HS3ST5: variants seen among roughly 807,000 people sequenced by gnomAD.
The protein encoded by HS3ST5 is heparan sulfate-glucosamine 3-sulfotransferase 5.
A neutral mutation model predicts 25.4 loss-of-function variants in HS3ST5; 10 were observed. The ratio of observed to expected loss-of-function variants is 0.39; its 90% confidence interval spans 0.24 to 0.67. The LOEUF is 0.67. Among genes scored for constraint, HS3ST5 ranks in the 30% least tolerant of loss-of-function variants. The pLI is 0.44. For synonymous variants in HS3ST5, 170 were observed against 162.4 expected, an observed-to-expected ratio of 1.05 and a Z score of -0.36; for missense variants, 324 against 420.7, an observed-to-expected ratio of 0.77 and a Z score of 2.01.
chr6:114,140,910 A>T (rs1377623672), intron 3 of HS3ST5, among the ~76,000 whole-genome samples: 1 of 152,130 alleles, frequency 6.6e-6, no homozygotes, highest in East Asian at 1.9e-4. Flanking sequence ...CAGTTTCCTC[A>T]TCTGTAAATT....
chr6:114,225,934 A>T (rs10155707), intron 2 of HS3ST5, among the ~76,000 whole-genome samples: 100 of 152,050 alleles, frequency 6.6e-4, no homozygotes, highest in African/African-American at 2.4e-3. Context: ...TTATCTTCAA[A>T]TATACCACCC....
intron 2 of HS3ST5, among the ~76,000 whole-genome samples, chr6:114,192,017 T>C (rs1315486739): frequency 6.6e-6 from 1 of 152,162 alleles, no homozygotes; most frequent in Non-Finnish European, 1.5e-5. Context: ...AGTTATCTGT[T>C]CTTCAAGAGA....
At chr6:114,155,702 T>G (rs1308230580) in intron 3 of HS3ST5, among the ~76,000 whole-genome samples, 2 of 152,224 alleles carry the variant, frequency 1.3e-5, no homozygotes, top group East Asian at 3.8e-4. Context: ...TAATGTATAT[T>G]TTTTAATGGA....
intron 1 of HS3ST5, among the ~76,000 whole-genome samples, chr6:114,289,839 C>G (rs1774494853): frequency 1.3e-5 from 2 of 152,090 alleles, no homozygotes; most frequent in African/African-American, 4.8e-5. Flanking sequence ...AACTATCTTC[C>G]TATGGGCTTT....
intron 1 of HS3ST5, among the ~76,000 whole-genome samples, chr6:114,306,679 A>G (rs2114828407): frequency 6.6e-6 from 1 of 152,250 alleles, no homozygotes; most frequent in East Asian, 1.9e-4. Flanking sequence ...GGTTGCTATA[A>G]AAATAGCTAT....
chr6:114,204,012 G>A (rs1332480852), intron 2 of HS3ST5, among the ~76,000 whole-genome samples: 2 of 152,158 alleles, frequency 1.3e-5, no homozygotes, highest in African/African-American at 2.4e-5. Context: ...AACAGGGTTC[G>A]GAAGCGTGTA....
At chr6:114,086,481 G>C (rs1261564568) in intron 3 of HS3ST5, among the ~76,000 whole-genome samples, 1 of 152,166 alleles carries the variant, frequency 6.6e-6, no homozygotes, top group African/African-American at 2.4e-5. Context: ...CCAACCACAA[G>C]AATGAACTTG....
intron 1 of HS3ST5, among the ~76,000 whole-genome samples, chr6:114,324,310 C>A (rs1776086484): frequency 6.6e-6 from 1 of 152,270 alleles, no homozygotes; most frequent in East Asian, 1.9e-4. Context: ...AAACTGTCAT[C>A]TCTAACTTGG....
chr6:114,160,472 C>T (rs1778894328), intron 3 of HS3ST5, among the ~76,000 whole-genome samples: 1 of 152,042 alleles, frequency 6.6e-6, no homozygotes. Flanking sequence ...TCCCCCTCCC[C>T]CAACTACATT....
chr6:114,225,556 G>A (rs1370148003), intron 2 of HS3ST5, among the ~76,000 whole-genome samples: 2 of 151,842 alleles, frequency 1.3e-5, no homozygotes, highest in African/African-American at 4.8e-5. Context: ...TTGAACCCTA[G>A]TGACTCCCAG....
chr6:114,330,529 T>C (rs1776350787), intron 1 of HS3ST5, among the ~76,000 whole-genome samples: 1 of 152,218 alleles, frequency 6.6e-6, no homozygotes, highest in Non-Finnish European at 1.5e-5. Flanking sequence ...GCCAAAGGTA[T>C]GCGTCCAACC....
chr6:114,338,208 T>C (rs1776683396), intron 1 of HS3ST5, among the ~76,000 whole-genome samples: 1 of 151,970 alleles, frequency 6.6e-6, no homozygotes, highest in Non-Finnish European at 1.5e-5. Flanking sequence ...AAAGGGATTC[T>C]ATTCCTGTTG....
intron 3 of HS3ST5, among the ~76,000 whole-genome samples, chr6:114,087,103 C>T (rs1009854113): frequency 6.6e-6 from 1 of 152,130 alleles, no homozygotes; most frequent in African/African-American, 2.4e-5. Flanking sequence ...GGCTCTAGGT[C>T]TCTGCGGCAA....
intron 3 of HS3ST5, among the ~76,000 whole-genome samples, chr6:114,064,526 G>A (rs948195319): frequency 2.6e-5 from 4 of 152,156 alleles, no homozygotes; most frequent in East Asian, 1.9e-4. Context: ...CTGAGGAGAC[G>A]GTAGGAGGGC....
chr6:114,233,752 C>T (rs1771721585), intron 1 of HS3ST5, among the ~76,000 whole-genome samples: 1 of 152,066 alleles, frequency 6.6e-6, no homozygotes, highest in Admixed American at 6.6e-5. Context: ...AAAACAGTTA[C>T]CCCAAGTTCA....
chr6:114,067,727 C>T (rs1360316553), intron 3 of HS3ST5, among the ~76,000 whole-genome samples: 5 of 152,060 alleles, frequency 3.3e-5, no homozygotes, highest in East Asian at 1.9e-4. Context: ...AGGCCCGGTA[C>T]GCATTCCAAG....
chr6:114,174,309 A>C (rs975280977), intron 2 of HS3ST5, among the ~76,000 whole-genome samples: 1 of 151,934 alleles, frequency 6.6e-6, no homozygotes, highest in African/African-American at 2.4e-5. Flanking sequence ...TGTTCTCTCC[A>C]ATCAAAGTCC....
intron 1 of HS3ST5, among the ~76,000 whole-genome samples, chr6:114,318,899 A>G (rs1214871303): frequency 2.6e-5 from 4 of 152,302 alleles, no homozygotes; most frequent in Middle Eastern, 3.4e-3. Context: ...TTTTCTAAGA[A>G]TGATTAAAAC....
chr6:114,122,527 AT>A (rs1444500576), intron 3 of HS3ST5, among the ~76,000 whole-genome samples: 1 of 152,208 alleles, frequency 6.6e-6, no homozygotes, highest in African/African-American at 2.4e-5. Context: ...GGTAGATTAC[AT>A]TTAGTTTGGA....
Sources: gnomAD v4.1 joint callset for allele counts (sites outside exome capture counted in the v4.1 genomes callset) on GRCh38, gnomAD v4.1.1 for gene constraint, MANE v1.5 for transcripts, NCBI Gene and HGNC (gene_info 2026-07-23, HGNC 2026-07-21) for gene names.